UTP25: variants seen among roughly 807,000 people sequenced by gnomAD.
UTP25 encodes the protein U3 small nucleolar RNA-associated protein 25 homolog.
A neutral mutation model predicts 78.9 loss-of-function variants in UTP25; 50 were observed. The observed-to-expected ratio is 0.63, with a 90% CI of 0.50 to 0.80. The LOEUF (loss-of-function observed/expected upper bound fraction) is 0.80. Ranked by LOEUF, UTP25 falls within the 30% of genes least tolerant of loss-of-function variation. The pLI is 0.00. For synonymous variants in UTP25, 329 were observed against 336.5 expected, an observed-to-expected ratio of 0.98 and a Z score of 0.24; for missense variants, 846 against 911.3, an observed-to-expected ratio of 0.93 and a Z score of 0.92.
chr1:209,841,730 T>C (rs1423121712), intron 8 of UTP25, among the ~76,000 whole-genome samples: 1 of 152,190 alleles, frequency 6.6e-6, no homozygotes, highest in Non-Finnish European at 1.5e-5. Flanking sequence ...AAATGAAGGG[T>C]AGAACTTACT....
intron 11 of UTP25, chr1:209,843,940 T>C: frequency 1.9e-6 from 1 of 528,088 alleles, no homozygotes. Context: ...TCTATAGACC[T>C]GGCATGTAGC....
At position 209,830,938 on chromosome 1, in the gene UTP25, G is replaced by A; in HGVS notation, c.283G>A (p.Glu95Lys). 2 of 1,613,884 alleles carry A rather than the reference G, an allele frequency of 1.2e-6. No homozygotes were observed. Among genetic ancestry groups the A allele is most frequent in the Non-Finnish European group, 1.7e-6 (2 of 1,179,762 alleles). The stretch of plus-strand genomic sequence containing the variant: ...AGAGGAAGATGAGGAGGAGGAAGAG[G>A]AAGAAGACAGTATTGTAGATGATGC... ...EEEEDEEEEE[E>K]EDSIVDDAEM... is the part of the protein sequence containing the mutation. The change falls in exon 3 of 12, where the codon GAA becomes AAA. Residue 95 changes from glutamate to lysine, a missense_variant. Glu to Lys is a moderately conservative substitution (Grantham distance 56). Transcript: ENST00000491415.
Position 209,851,314 on chromosome 1 carries a change from C to T in UTP25, c.2138C>T (p.Ala713Val). 6.2e-7 allele frequency: 1 copy of T among 1,614,156 alleles called. No individual in the cohort carries two copies. The highest frequency in any genetic ancestry group is 1.3e-5 in the African/African-American group (1 of 75,024). ...AGAGCCACCAACAGAGGAGAAGAGG[C>T]CACGTGGACCTGCACTGTTCTCTAC... ...MLRATNRGEE[A>V]TWTCTVLYSK... The change falls in exon 12 of 12, where the codon GCC becomes GTC. Residue 713 changes from alanine (A) to valine (V), a missense_variant. By Grantham distance (64) the Ala-to-Val change is moderately conservative (BLOSUM62 0). Coordinates refer to ENST00000491415, the MANE Select transcript of UTP25 (RefSeq NM_014388.7).
intron 1 of UTP25, among the ~76,000 whole-genome samples, chr1:209,829,238 A>G (rs1043463067): frequency 3.9e-5 from 6 of 152,222 alleles, no homozygotes; most frequent in Non-Finnish European, 7.3e-5. Flanking sequence ...GGAACATTGA[A>G]AATCCGCTCT....
At position 209,857,217 on chromosome 1, in the gene UTP25, T is replaced by C. The variant is rs1013039816; in HGVS notation, c.*5770T>C. 5.3e-5 allele frequency: 8 copies of C among 152,142 alleles called. No homozygotes were observed. The highest frequency in any genetic ancestry group is 1.9e-4 in the African/African-American group (8 of 41,412). 9.4% of individuals were successfully genotyped at this position (152,142 alleles called of 1,614,324 possible). A position where few individuals can be genotyped will look rare whatever the true frequency, so the allele number is the denominator to read the frequency against. ...GAAACTTTTATCCATCAGTCCTGTTTCTGAAGCTGTACGGTACAAATTTTT... is the reference window on the plus strand; with the variant it reads ...GAAACTTTTATCCATCAGTCCTGTTCCTGAAGCTGTACGGTACAAATTTTT... On this transcript the variant is annotated 3_prime_UTR_variant, in exon 12 of 12. Transcript: ENST00000491415.
At chr1:209,849,720 G>A (rs2078220440) in intron 11 of UTP25, among the ~76,000 whole-genome samples, 1 of 152,326 alleles carries the variant, frequency 6.6e-6, no homozygotes, top group East Asian at 1.9e-4. Flanking sequence ...AGCATCCAGG[G>A]ATCCCTGGGG....
chr1:209,852,689 G>A lies in UTP25; in HGVS notation c.*1242G>A, dbSNP rs746852930. The A allele has an allele frequency of 2.0e-5, 3 of 152,118 alleles. No individual in the cohort carries two copies. The highest frequency in any genetic ancestry group is 2.9e-5 in the Non-Finnish European group (2 of 68,042). The allele number at this position is 152,118 out of a possible 1,614,324, so 9.4% of individuals were successfully genotyped here. A position where few individuals can be genotyped will look rare whatever the true frequency, so the allele number is the denominator to read the frequency against. On this transcript the variant is annotated 3_prime_UTR_variant, in exon 12 of 12. Transcript: ENST00000491415. ...TCTACTCCAGCCCTGCTTGCTTTTA[G>A]TAGGAAATTATTATAAAAGGTTAGA...
In UTP25 at chr1:209,836,844, AGTTGGAAAC is replaced by A; in HGVS notation, c.696_704del (p.Leu233_Thr235del). 1 of 1,611,126 alleles carries A rather than the reference AGTTGGAAAC, an allele frequency of 6.2e-7. No homozygotes were observed. The highest frequency in any genetic ancestry group is 8.5e-7 in the Non-Finnish European group (1 of 1,178,986). On this transcript the variant is annotated inframe_deletion, in exon 6 of 12. Transcript: ENST00000491415. ...CTTTTCTTTTCCTCTAAGTTTCAGAAGTTGGAAACATTTAAACCCCCAAAGGATATTGAC... is the reference window on the plus strand; with the variant it reads ...CTTTTCTTTTCCTCTAAGTTTCAGAAATTTAAACCCCCAAAGGATATTGAC...
intron 11 of UTP25, chr1:209,844,653 A>C (rs2078186469): frequency 6.6e-6 from 1 of 151,688 alleles, no homozygotes; most frequent in Non-Finnish European, 1.4e-5. Context: ...AAAAAAAAAA[A>C]AACCAACTCT....
chr1:209,828,752 C>G (rs61711382), intron 1 of UTP25, among the ~76,000 whole-genome samples: 32 of 34,698 alleles, frequency 9.2e-4, no homozygotes, highest in African/African-American at 3.2e-3. Flanking sequence ...TTTTTGTAGA[C>G]ACACATATAT....
intron 2 of UTP25, 113 bp downstream of exon 2, chr1:209,830,260 T>G: frequency 1.0e-6 from 1 of 999,818 alleles, no homozygotes; most frequent in Non-Finnish European, 1.5e-6. Flanking sequence ...AGATGCAAGC[T>G]ATTATTTTGG....
chr1:209,842,474 A>T (rs776135020), intron 9 of UTP25, 27 bp downstream of exon 9: 4 of 1,613,878 alleles, frequency 2.5e-6, no homozygotes, highest in Non-Finnish European at 3.4e-6. Context: ...TTTCCTCAGT[A>T]TCTTCATGAG....
intron 11 of UTP25, among the ~76,000 whole-genome samples, chr1:209,850,416 A>C (rs1451118182): frequency 1.3e-5 from 2 of 152,252 alleles, no homozygotes; most frequent in African/African-American, 4.8e-5. Context: ...TCTGTGAAAG[A>C]AATAAAATCC....
At chr1:209,845,524 G>C (rs1252281610) in intron 11 of UTP25, among the ~76,000 whole-genome samples, 1 of 152,208 alleles carries the variant, frequency 6.6e-6, no homozygotes, top group Admixed American at 6.5e-5. Context: ...TTCAAGGACA[G>C]GGCATGGAGC....
chr1:209,851,389 C>T lies in UTP25; in HGVS notation c.2213C>T (p.Ala738Val), dbSNP rs760271966. ...GCTGCCGTGGTTGGTGTGGAGCGGGCGGCACAGATGCTACAGTCCAACAAG... is the reference window on the plus strand; with the variant it reads ...GCTGCCGTGGTTGGTGTGGAGCGGGTGGCACAGATGCTACAGTCCAACAAG... Reference protein sequence around the residue: ...RLAAVVGVERAAQMLQSNKNV... With the variant: ...RLAAVVGVERVAQMLQSNKNV... Residue 738 changes from alanine (A) to valine (V), a missense_variant, in exon 12 of 12, where the codon GCG (alanine) becomes GTG (valine). Physicochemically the swap from Ala to Val is moderately conservative, Grantham distance 64 (BLOSUM62 0). Coordinates refer to ENST00000491415, the MANE Select transcript of UTP25 (RefSeq NM_014388.7). 47 of 1,613,874 alleles carry T rather than the reference C, an allele frequency of 2.9e-5. No homozygotes were observed. The highest frequency in any genetic ancestry group is 2.2e-5 in the East Asian group (1 of 44,896).
rs2102586027 is a variant in UTP25, at chr1:209,853,306, G to A, written c.*1859G>A. On this transcript the variant is annotated 3_prime_UTR_variant, in exon 12 of 12. Coordinates refer to ENST00000491415, the MANE Select transcript of UTP25 (RefSeq NM_014388.7). ...TGTATATTATGAGAATAAGAAATGA[G>A]TTTATTTACCTCATTCAGAAATGTG... 6.6e-6 allele frequency: 1 copy of A among 150,986 alleles called. No homozygotes were observed. The highest frequency in any genetic ancestry group is 2.0e-4 in the East Asian group (1 of 5,124). 9.4% of individuals were successfully genotyped at this position (150,986 alleles called of 1,614,324 possible).
rs1382119058 is a variant in UTP25, at chr1:209,848,681, A to G, written c.2028-2523A>G. 2.0e-5 allele frequency among the ~76,000 whole-genome samples: 3 copies of G among 152,342 alleles called. No homozygotes were observed. In the East Asian group the frequency reaches 5.8e-4, roughly 29 times the overall value. On this transcript the variant is annotated intron_variant, in intron 11 of 11. Coordinates refer to ENST00000491415, the MANE Select transcript of UTP25 (RefSeq NM_014388.7). ...CATATCTTCTCCTGAATTCATAGAC[A>G]AAGTAATTTATGCTCCATTCACCTA...
chr1:209,857,285 T>C lies in UTP25; in HGVS notation c.*5838T>C, dbSNP rs1286570609. On this transcript the variant is annotated 3_prime_UTR_variant, in exon 12 of 12. Coordinates refer to ENST00000491415, the MANE Select transcript of UTP25 (RefSeq NM_014388.7). The stretch of plus-strand genomic sequence containing the variant: ...CTCAACTATTGGAATACATCTACCA[T>C]GTCTCCTATGAAACTTGCTTCTCCA... 1 of 152,088 alleles carries C rather than the reference T, an allele frequency of 6.6e-6. No individual in the cohort carries two copies. Among genetic ancestry groups the C allele is most frequent in the Non-Finnish European group, 1.5e-5 (1 of 68,016 alleles). The allele number at this position is 152,088 out of a possible 1,614,324, so 9.4% of individuals were successfully genotyped here.
chr1:209,843,659 T>C lies in UTP25; in HGVS notation c.1990T>C (p.Phe664Leu). 6.2e-7 allele frequency: 1 copy of C among 1,614,090 alleles called. No individual in the cohort carries two copies. The highest frequency in any genetic ancestry group is 1.1e-5 in the South Asian group (1 of 91,082). Residue 664 changes from phenylalanine to leucine, a missense_variant, in exon 11 of 12, where the codon TTT (phenylalanine) becomes CTT (leucine). Coordinates refer to ENST00000491415, the MANE Select transcript of UTP25 (RefSeq NM_014388.7). ...RHFFLQGEKQ[F>L]LLFTERFHFY... Reference sequence around the variant, plus strand: ...CTTCTTCCTTCAAGGAGAGAAACAGTTTCTACTTTTCACAGAGCGCTTCCA... The same window carrying C: ...CTTCTTCCTTCAAGGAGAGAAACAGCTTCTACTTTTCACAGAGCGCTTCCA...
Sources: gnomAD v4.1 joint callset for allele counts (sites outside exome capture counted in the v4.1 genomes callset) on GRCh38, gnomAD v4.1.1 for gene constraint, MANE v1.5 for transcripts, NCBI Gene and HGNC (gene_info 2026-07-23, HGNC 2026-07-21) for gene names.